Variants in COG5 observed in about 807,000 individuals in gnomAD.
COG5 encodes component of oligomeric golgi complex 5.
A neutral mutation model predicts 110.4 loss-of-function variants in COG5; 86 were observed. The ratio of observed to expected loss-of-function variants is 0.78; its 90% CI spans 0.65 to 0.93. The LOEUF is 0.93. Ranked by LOEUF, COG5 falls within the 40% of genes least tolerant of loss-of-function variation. The pLI is 0.00. For synonymous variants in COG5, 360 were observed against 334.6 expected, an observed-to-expected ratio of 1.08 and a Z score of -0.83; for missense variants, 1,077 against 987.0, an observed-to-expected ratio of 1.09 and a Z score of -1.22.
intron 6 of COG5, among the ~76,000 whole-genome samples, chr7:107,414,611 T>C (rs1792562711): frequency 1.3e-5 from 2 of 151,400 alleles, no homozygotes; most frequent in Admixed American, 1.3e-4. Context: ...TAGTTGCCCT[T>C]CCATTCATGA....
At chr7:107,362,217 A>C in intron 9 of COG5, 91 bp downstream of exon 9, 1 of 1,359,582 alleles carries the variant, frequency 7.4e-7, no homozygotes. Flanking sequence ...TTGAATGCTC[A>C]TTGATTAAAA....
At chr7:107,330,754 A>C (rs556237780) in intron 10 of COG5, among the ~76,000 whole-genome samples, 1 of 152,212 alleles carries the variant, frequency 6.6e-6, no homozygotes, top group East Asian at 1.9e-4. Flanking sequence ...TCCTCATGTA[A>C]ATAGTAGAAA....
At chr7:107,383,139 G>A (rs1300993309) in intron 7 of COG5, among the ~76,000 whole-genome samples, 2 of 152,160 alleles carry the variant, frequency 1.3e-5, no homozygotes, top group Non-Finnish European at 1.5e-5. Flanking sequence ...CATGACTATA[G>A]CTACCAGTTA....
chr7:107,242,328 T>G (rs1208656827), intron 17 of COG5, among the ~76,000 whole-genome samples: 1 of 152,112 alleles, frequency 6.6e-6, no homozygotes, highest in East Asian at 1.9e-4. Context: ...GAAAAGTGCT[T>G]TCACTGGTGG....
chr7:107,381,132 TTC>T (rs35806413), intron 7 of COG5, among the ~76,000 whole-genome samples: 23,565 of 152,196 alleles, frequency 0.15, 2,255 homozygotes, highest in Non-Finnish European at 0.22. Flanking sequence ...TCTTTAAAAT[TTC>T]TGAGTCATTT....
At position 107,283,931 on chromosome 7, in the gene COG5, C is replaced by CTTTTTTTTTTTTTTT. The variant is rs71522833; in HGVS notation, c.1314-200_1314-199insAAAAAAAAAAAAAAA. ...ATTAAACATTCAGGACCATAGTAAC[C>CTTTTTTTTTTTTTTT]TTTTTTTTTTTGAGACGTAGTCTCA... On this transcript the variant is annotated intron_variant, in intron 12 of 21. Transcript: ENST00000297135. Among the ~76,000 whole-genome samples the CTTTTTTTTTTTTTTT allele has an allele frequency of 0.01, 1,450 of 142,014 alleles. 23 individuals carry two copies. The highest frequency in any genetic ancestry group is 0.012 in the Non-Finnish European group (785 of 64,386). The allele number at this position is 142,014 out of a possible 152,430, so 93.2% of individuals were successfully genotyped here.
intron 6 of COG5, among the ~76,000 whole-genome samples, chr7:107,420,251 T>C (rs933169682): frequency 2.0e-5 from 3 of 152,204 alleles, no homozygotes; most frequent in Admixed American, 2.0e-4. Flanking sequence ...AAACCTGTGT[T>C]GCTAACCAAG....
rs1465521153 is a variant in COG5, at chr7:107,236,300, C to CT, written c.2091+149_2091+150insA. 4.7e-6 allele frequency: 3 copies of CT among 638,784 alleles called. No homozygotes were observed. The African/African-American group carries it at 6.5e-5, about 14-fold the overall frequency. The allele number at this position is 638,784 out of a possible 1,614,324, so 39.6% of individuals were successfully genotyped here. On this transcript the variant is annotated intron_variant, in intron 18 of 21. Coordinates refer to ENST00000297135, the MANE Select transcript of COG5 (RefSeq NM_006348.5). Reference sequence around the variant, plus strand: ...GGTATAAAAGTATCTTTAAACTCTCCCTTTTTTTTTTTAACTATTTATGCT... The same window carrying CT: ...GGTATAAAAGTATCTTTAAACTCTCCTCTTTTTTTTTTTAACTATTTATGCT...
intron 11 of COG5, among the ~76,000 whole-genome samples, chr7:107,299,870 T>G (rs1807104351): frequency 8.6e-6 from 1 of 116,104 alleles, no homozygotes; most frequent in Non-Finnish European, 1.9e-5. Context: ...TGGAATTATC[T>G]GGAATATATA....
intron 10 of COG5, among the ~76,000 whole-genome samples, chr7:107,343,891 G>T (rs1274154570): frequency 6.6e-6 from 1 of 150,750 alleles, no homozygotes; most frequent in East Asian, 1.9e-4. Flanking sequence ...TTTCTGAGCA[G>T]GTCTTAACAG....
intron 6 of COG5, among the ~76,000 whole-genome samples, chr7:107,496,849 A>C (rs1037584660): frequency 6.6e-6 from 1 of 152,096 alleles, no homozygotes; most frequent in African/African-American, 2.4e-5. Flanking sequence ...TAAAGGTCAT[A>C]TATGAAGAAC....
At chr7:107,513,490 C>A (rs1048054730) in intron 6 of COG5, among the ~76,000 whole-genome samples, 1 of 152,148 alleles carries the variant, frequency 6.6e-6, no homozygotes, top group East Asian at 1.9e-4. Context: ...GTCAGTGTGG[C>A]GATTCCTCAG....
At chr7:107,266,684 C>G (rs1202783983) in intron 14 of COG5, among the ~76,000 whole-genome samples, 1 of 151,912 alleles carries the variant, frequency 6.6e-6, no homozygotes, top group Non-Finnish European at 1.5e-5. Flanking sequence ...TTTTTTGATA[C>G]TCTTCCCTCA....
intron 19 of COG5, among the ~76,000 whole-genome samples, 182 bp from the exon 20 acceptor site, chr7:107,211,407 C>G (rs75868392): frequency 6.6e-6 from 1 of 151,902 alleles, no homozygotes; most frequent in Non-Finnish European, 1.5e-5. Context: ...CACATGCCCA[C>G]GTGCTCACAG....
chr7:107,417,719 T>C (rs761670067), intron 6 of COG5, among the ~76,000 whole-genome samples: 9 of 152,182 alleles, frequency 5.9e-5, no homozygotes, highest in African/African-American at 1.2e-4. Flanking sequence ...ACTACTGTTT[T>C]TGAATATTAT....
intron 17 of COG5, among the ~76,000 whole-genome samples, chr7:107,241,865 C>G (rs1801667704): frequency 6.6e-6 from 1 of 152,156 alleles, no homozygotes; most frequent in African/African-American, 2.4e-5. Flanking sequence ...ACTGCAGCCT[C>G]AATTCCTTCA....
chr7:107,447,336 T>C (rs1795066355), intron 6 of COG5, among the ~76,000 whole-genome samples: 1 of 152,220 alleles, frequency 6.6e-6, no homozygotes, highest in Admixed American at 6.5e-5. Flanking sequence ...ATTGTAACCA[T>C]ATTTTCAAAG....
intron 19 of COG5, among the ~76,000 whole-genome samples, chr7:107,224,839 T>C (rs1032139877): frequency 6.6e-6 from 1 of 152,226 alleles, no homozygotes; most frequent in African/African-American, 2.4e-5. Flanking sequence ...TGTCAAAAGC[T>C]TTCAGAGGCA....
At chr7:107,400,740 A>G (rs1160283603) in intron 7 of COG5, among the ~76,000 whole-genome samples, 1 of 152,154 alleles carries the variant, frequency 6.6e-6, no homozygotes, top group African/African-American at 2.4e-5. Flanking sequence ...ACACTGCAAG[A>G]TGGCAATAAA....
Sources: gnomAD v4.1 joint callset for allele counts (sites outside exome capture counted in the v4.1 genomes callset) on GRCh38, gnomAD v4.1.1 for gene constraint, MANE v1.5 for transcripts, NCBI Gene and HGNC (gene_info 2026-07-23, HGNC 2026-07-21) for gene names.